TTI1: variants seen among roughly 807,000 people sequenced by gnomAD.
TTI1 encodes the protein TELO2-interacting protein 1 homolog.
Under a neutral mutation model 85.4 loss-of-function variants are expected in TTI1, and 52 were observed. The ratio of observed to expected loss-of-function variants is 0.61; its 90% CI spans 0.49 to 0.77. TTI1 has a LOEUF of 0.77. TTI1 is among the 30% of genes least tolerant of loss of function. TTI1 has a pLI of 0.00. For missense variants in TTI1, 1,173 were observed against 1,296.0 expected, an observed-to-expected ratio of 0.91 and a Z score of 1.46; for synonymous variants, 512 against 503.9, an observed-to-expected ratio of 1.02 and a Z score of -0.22.
At chr20:38,031,049 T>C (rs1270859293) in intron 1 of TTI1, among the ~76,000 whole-genome samples, 1 of 152,192 alleles carries the variant, frequency 6.6e-6, no homozygotes, top group East Asian at 1.9e-4. Flanking sequence ...CTCTAAAATA[T>C]CCCCAGAACT....
In TTI1 at chr20:38,012,316, G is replaced by T. The variant is rs777664965; in HGVS notation, c.1501C>A (p.Leu501Ile). 1.1e-5 allele frequency: 17 copies of T among 1,614,164 alleles called. No homozygotes were observed. The highest frequency in any genetic ancestry group is 1.7e-6 in the Non-Finnish European group (2 of 1,180,030). The change falls in exon 2 of 8, where the codon CTT (leucine) becomes ATT (isoleucine). Residue 501 changes from leucine to isoleucine, a missense_variant. By Grantham distance (5) the Leu-to-Ile change is conservative. Transcript: ENST00000373447. The part of the protein sequence containing the change: ...VCQLLGYYGN[L>I]YLLVDHFMEL... ...ATAAAGTGATCCACAAGCAAATAAA[G>T]ATTCCCATAATAACCAAGTAGCTGA...
At chr20:37,986,198 G>GTGC (rs1414662913) in intron 7 of TTI1, among the ~76,000 whole-genome samples, 1 of 152,136 alleles carries the variant, frequency 6.6e-6, no homozygotes, top group Non-Finnish European at 1.5e-5. Context: ...CTACAGCGTG[G>GTGC]TGCTCTCCCA....
chr20:38,025,783 A>AT (rs1432777401), intron 1 of TTI1, among the ~76,000 whole-genome samples: 2 of 152,196 alleles, frequency 1.3e-5, no homozygotes, highest in Non-Finnish European at 2.9e-5. Context: ...AAATTTTAGA[A>AT]ATGAAAATTT....
At chr20:37,992,868 C>T (rs1002418899) in intron 7 of TTI1, among the ~76,000 whole-genome samples, 1 of 152,248 alleles carries the variant, frequency 6.6e-6, no homozygotes, top group Non-Finnish European at 1.5e-5. Flanking sequence ...CTGTGAAGGC[C>T]CAGGGCATGC....
chr20:38,030,752 G>A (rs957120626), intron 1 of TTI1, among the ~76,000 whole-genome samples: 4 of 152,150 alleles, frequency 2.6e-5, no homozygotes, highest in African/African-American at 7.2e-5. Flanking sequence ...ACCTTATTCC[G>A]TTATGACTCT....
chr20:38,011,064 A>G (rs1363422057), intron 2 of TTI1, among the ~76,000 whole-genome samples: 2 of 152,234 alleles, frequency 1.3e-5, no homozygotes, highest in Non-Finnish European at 2.9e-5. Context: ...GTACCGTTCT[A>G]GACAATATGT....
intron 1 of TTI1, among the ~76,000 whole-genome samples, chr20:38,019,751 T>C (rs372471229): frequency 5.3e-5 from 8 of 152,244 alleles, no homozygotes; most frequent in African/African-American, 9.6e-5. Context: ...GCAGCACTAT[T>C]GACATTTTGG....
intron 7 of TTI1, among the ~76,000 whole-genome samples, chr20:37,993,409 A>G (rs1378361517): frequency 6.6e-6 from 1 of 152,174 alleles, no homozygotes; most frequent in Non-Finnish European, 1.5e-5. Flanking sequence ...TAATATGGCA[A>G]ATTAAAAAAG....
intron 6 of TTI1, 121 bp downstream of exon 6, chr20:37,996,628 A>G (rs772328308): frequency 6.4e-6 from 9 of 1,409,526 alleles, no homozygotes; most frequent in South Asian, 1.3e-5. Flanking sequence ...TGAGGCCAAA[A>G]TAAGACGGAA....
chr20:37,988,373 C>A (rs2073220054), intron 7 of TTI1, among the ~76,000 whole-genome samples: 2 of 152,226 alleles, frequency 1.3e-5, no homozygotes, highest in Admixed American at 1.3e-4. Flanking sequence ...CAAAAAGAAC[C>A]CCCTCTGCTC....
intron 2 of TTI1, among the ~76,000 whole-genome samples, chr20:38,011,038 A>G (rs1419608162): frequency 1.3e-5 from 2 of 152,214 alleles, no homozygotes; most frequent in East Asian, 3.8e-4. Context: ...TTCTATCATC[A>G]AAGAAACTTC....
rs571591647 is a variant in TTI1, at chr20:38,014,263, A to G, written c.-41-406T>C. 3.3e-5 allele frequency among the ~76,000 whole-genome samples: 5 copies of G among 152,374 alleles called. No individual in the cohort carries two copies. The East Asian group carries it at 9.6e-4, about 29-fold the overall frequency. ...ATCTTTTTAAAACTGAGGTATACAT[A>G]TAGTAAAATGCACTATCTTAATGTA... On this transcript the variant is annotated intron_variant, in intron 1 of 7. Transcript: ENST00000373447.
chr20:38,020,323 A>AAAAAAAAAAAATATAT, intron 1 of TTI1, among the ~76,000 whole-genome samples: 1 of 50,382 alleles, frequency 2.0e-5, no homozygotes, highest in African/African-American at 8.9e-5. Flanking sequence ...AAAAAAAAAA[A>AAAAAAAAAAAATATAT]ATATATATAT....
chr20:38,004,547 A>G (rs1260230578), intron 3 of TTI1, among the ~76,000 whole-genome samples: 1 of 152,270 alleles, frequency 6.6e-6, no homozygotes, highest in Non-Finnish European at 1.5e-5. Flanking sequence ...ACTCATGTCA[A>G]GCCAGCACTG....
intron 1 of TTI1, among the ~76,000 whole-genome samples, chr20:38,026,600 T>A (rs2073839328): frequency 6.6e-6 from 1 of 152,082 alleles, no homozygotes; most frequent in South Asian, 2.1e-4. Flanking sequence ...AGGAATGAAG[T>A]GGAAATCAAG....
chr20:37,998,131 T>C (rs1218431005), intron 5 of TTI1, among the ~76,000 whole-genome samples: 1 of 152,112 alleles, frequency 6.6e-6, no homozygotes, highest in Admixed American at 6.5e-5. Flanking sequence ...GGTTTCACCA[T>C]CTTGGCCAGG....
Position 38,013,029 on chromosome 20 carries a change from G to A in TTI1, c.788C>T (p.Ala263Val). 2 of 1,614,058 alleles carry A rather than the reference G, an allele frequency of 1.2e-6. No homozygotes were observed. The highest frequency in any genetic ancestry group is 2.2e-5 in the South Asian group (2 of 91,088). The change falls in exon 2 of 8, where the codon GCA (alanine) becomes GTA (valine). Residue 263 changes from alanine to valine, a missense_variant. By Grantham distance (64) the Ala-to-Val change is moderately conservative. Coordinates refer to ENST00000373447, the MANE Select transcript of TTI1 (RefSeq NM_001303457.2). ...CAGCTCTGCTACTCTGTGCTCAACTGCAGGTTTTGCTTGGACCTTTGAGAT... is the reference window on the plus strand; with the variant it reads ...CAGCTCTGCTACTCTGTGCTCAACTACAGGTTTTGCTTGGACCTTTGAGAT... ...KRISKVQAKP[A>V]VEHRVAELMV... is the part of the protein sequence containing the mutation.
Position 38,011,910 on chromosome 20 carries a change from TG to T in TTI1, c.1906del (p.Gln636SerfsTer6). On this transcript the variant is annotated frameshift_variant, in exon 2 of 8. Coordinates refer to ENST00000373447, the MANE Select transcript of TTI1 (RefSeq NM_001303457.2). LOFTEE classifies it high-confidence loss of function. ...QICIQLEGIG[Q>X]FAYALGKDFC... ...GTCTTTTCCTAGTGCATATGCAAAC[TG>T]GCCAATTCCTTCCAACTGAATGCAT... is the stretch of plus-strand genomic sequence containing the variant. 1 of 1,614,232 alleles carries T rather than the reference TG, an allele frequency of 6.2e-7. No individual in the cohort carries two copies. Among genetic ancestry groups the T allele is most frequent in the Non-Finnish European group, 8.5e-7 (1 of 1,180,038 alleles).
rs761375520 is a variant in TTI1, at chr20:38,013,347, A to G, written c.470T>C (p.Leu157Ser). The change falls in exon 2 of 8, where the codon TTA (leucine) becomes TCA (serine). Residue 157 changes from leucine (L) to serine (S), a missense_variant. By Grantham distance (145) the Leu-to-Ser change is moderately radical. Coordinates refer to ENST00000373447, the MANE Select transcript of TTI1 (RefSeq NM_001303457.2). ...CTCCTGTTCTGCAAGGCCTAACAGT[A>G]AAGATACAGCAAATCCTAAACGTGG... is the stretch of plus-strand genomic sequence containing the variant. ...ILPRLGFAVS[L>S]LLGLAEQEKS... is the part of the protein sequence containing the mutation. The G allele has an allele frequency of 1.2e-6, 2 of 1,614,130 alleles. No homozygotes were observed. The highest frequency in any genetic ancestry group is 2.2e-5 in the East Asian group (1 of 44,890).
Sources: gnomAD v4.1 joint callset for allele counts (sites outside exome capture counted in the v4.1 genomes callset) on GRCh38, gnomAD v4.1.1 for gene constraint, MANE v1.5 for transcripts, NCBI Gene and HGNC (gene_info 2026-07-23, HGNC 2026-07-21) for gene names.